Variants in NEDD4L observed in about 807,000 individuals in gnomAD.
NEDD4L encodes E3 ubiquitin-protein ligase NEDD4-like.
Under a neutral mutation model 148.9 loss-of-function variants are expected in NEDD4L, and 54 were observed. The observed-to-expected ratio is 0.36, with a 90% CI of 0.29 to 0.45. NEDD4L has a LOEUF of 0.45. Among genes scored for constraint, NEDD4L ranks in the 20% least tolerant of loss-of-function variants. The pLI is 1.00. For missense variants in NEDD4L, 856 were observed against 1,233.8 expected, an observed-to-expected ratio of 0.69 and a Z score of 4.59; for synonymous variants, 433 against 440.7, an observed-to-expected ratio of 0.98 and a Z score of 0.22.
chr18:58,044,757 C>G, intron 1 of NEDD4L, 49 bp downstream of exon 1: 3 of 1,588,934 alleles, frequency 1.9e-6, no homozygotes, highest in South Asian at 2.3e-5. Flanking sequence ...AGTTCCTATC[C>G]CGCGCCGGCA....
intron 5 of NEDD4L, among the ~76,000 whole-genome samples, chr18:58,285,988 A>G (rs868306089): frequency 6.6e-6 from 1 of 152,212 alleles, no homozygotes; most frequent in Non-Finnish European, 1.5e-5. Flanking sequence ...CTAAGTAGCT[A>G]TACACAATTG....
At chr18:58,109,578 T>TTTTG (rs1568228523) in intron 1 of NEDD4L, among the ~76,000 whole-genome samples, 2 of 147,832 alleles carry the variant, frequency 1.4e-5, no homozygotes, top group African/African-American at 5.0e-5. Context: ...TTTTGTTTTT[T>TTTTG]TTTTTTTTTT....
chr18:58,320,435 A>G (rs2058677506), intron 6 of NEDD4L, among the ~76,000 whole-genome samples: 1 of 152,172 alleles, frequency 6.6e-6, no homozygotes, highest in South Asian at 2.1e-4. Flanking sequence ...TGTTGACATG[A>G]TGGCTCTTCC....
At chr18:58,147,305 G>T (rs11876767) in intron 1 of NEDD4L, among the ~76,000 whole-genome samples, 5 of 151,852 alleles carry the variant, frequency 3.3e-5, no homozygotes, top group African/African-American at 9.7e-5. Flanking sequence ...GTGCCCCATG[G>T]GATGTTCCCT....
At chr18:58,153,058 C>T (rs2034996460) in intron 1 of NEDD4L, among the ~76,000 whole-genome samples, 1 of 152,150 alleles carries the variant, frequency 6.6e-6, no homozygotes, top group African/African-American at 2.4e-5. Flanking sequence ...GTGGGAAGAG[C>T]CTGGCTTTGA....
intron 24 of NEDD4L, among the ~76,000 whole-genome samples, chr18:58,380,567 C>T (rs1185278238): frequency 3.3e-5 from 5 of 152,072 alleles, no homozygotes; most frequent in Non-Finnish European, 7.4e-5. Flanking sequence ...CTGCCCACCT[C>T]GGCCTCCCAA....
At chr18:58,231,237 CAAAAAAAAAAA>C (rs67220469) in intron 2 of NEDD4L, among the ~76,000 whole-genome samples, 1 of 90,184 alleles carries the variant, frequency 1.1e-5, no homozygotes, top group Non-Finnish European at 2.3e-5. Context: ...GACCCTATCT[CAAAAAAAAAAA>C]AAAAAAAAAA....
rs1274950157 is a variant in NEDD4L, at chr18:58,397,620, C to T, written c.*1351C>T. The stretch of plus-strand genomic sequence containing the variant: ...ATACCGTGTACTGCCTGAGTTGTGC[C>T]TCTTGTGTGCTAGATTAAAAGTGAG... On this transcript the variant is annotated 3_prime_UTR_variant, in exon 31 of 31. Transcript: ENST00000400345. The T allele has an allele frequency of 6.6e-6, 1 of 152,410 alleles. No individual in the cohort carries two copies. Among genetic ancestry groups the T allele is most frequent in the African/African-American group, 2.4e-5 (1 of 41,448 alleles). 9.4% of individuals were successfully genotyped at this position (152,410 alleles called of 1,614,324 possible).
chr18:58,332,504 C>T (rs757575296), intron 11 of NEDD4L, among the ~76,000 whole-genome samples: 23 of 152,044 alleles, frequency 1.5e-4, no homozygotes, highest in Admixed American at 1.1e-3. Context: ...AAAACTTAGC[C>T]GGGTGTGGTG....
intron 5 of NEDD4L, among the ~76,000 whole-genome samples, chr18:58,269,051 A>G (rs1438543999): frequency 6.6e-6 from 1 of 151,894 alleles, no homozygotes; most frequent in Admixed American, 6.6e-5. Flanking sequence ...TTTCCTTTTG[A>G]ACAAGTTTCT....
intron 2 of NEDD4L, among the ~76,000 whole-genome samples, chr18:58,185,101 T>C (rs2039321127): frequency 6.6e-6 from 1 of 152,156 alleles, no homozygotes; most frequent in African/African-American, 2.4e-5. Flanking sequence ...ACTGTACTTG[T>C]AGCAGCAGTA....
At chr18:58,044,765 G>C (rs2081495501) in intron 1 of NEDD4L, 57 bp downstream of exon 1, 1 of 1,581,946 alleles carries the variant, frequency 6.3e-7, no homozygotes, top group Non-Finnish European at 8.6e-7. Context: ...TCCCGCGCCG[G>C]CAGGGGGAGG....
At position 58,341,767 on chromosome 18, in the gene NEDD4L, G is replaced by T. The variant is rs768108673; in HGVS notation, c.1347G>T (p.Ser449=). The T allele has an allele frequency of 6.2e-7, 1 of 1,613,436 alleles. No homozygotes were observed. The highest frequency in any genetic ancestry group is 8.5e-7 in the Non-Finnish European group (1 of 1,179,790). Residue 449 remains serine (S), a synonymous_variant, in exon 15 of 31, where the codon TCG becomes TCT. Transcript: ENST00000400345. ...PQIRRPRSLS[S]PTVTLSAPLE... ...TCCGCCGGCCTCGTAGCCTCAGCTC[G>T]CCAACAGTAACTTTATCTGCCCCGC...
chr18:58,202,278 C>T (rs2041498256), intron 2 of NEDD4L, among the ~76,000 whole-genome samples: 1 of 152,222 alleles, frequency 6.6e-6, no homozygotes, highest in Non-Finnish European at 1.5e-5. Context: ...CCCAGGTCTC[C>T]TGTTCCCTGC....
chr18:58,342,209 G>A (rs908237900), intron 15 of NEDD4L, among the ~76,000 whole-genome samples: 2 of 152,136 alleles, frequency 1.3e-5, no homozygotes, highest in Non-Finnish European at 2.9e-5. Flanking sequence ...CGACTGTAGG[G>A]TCTTTCATTC....
At chr18:58,367,633 G>C (rs547243048) in intron 21 of NEDD4L, 113 bp from the exon 22 acceptor site, 1 of 1,149,248 alleles carries the variant, frequency 8.7e-7, no homozygotes, top group Non-Finnish European at 1.3e-6. Flanking sequence ...TTCCCACTAG[G>C]TACAGAATGC....
chr18:58,366,451 A>T lies in NEDD4L; in HGVS notation c.2063+223A>T, dbSNP rs558136109. ...CTAACATTGATTTTTTTTCTTGTCT[A>T]TTGGGTTCATGGAGTTGAAATTGAA... On this transcript the variant is annotated intron_variant, in intron 21 of 30. Transcript: ENST00000400345. This position sits in a 1 kb window ranked among gnomAD's most constrained non-coding sequence, Gnocchi z 4.2. 5.1e-6 allele frequency: 2 copies of T among 393,760 alleles called. No individual in the cohort carries two copies. Among genetic ancestry groups the T allele is most frequent in the African/African-American group, 2.0e-5 (1 of 49,020 alleles). 24.4% of individuals were successfully genotyped at this position (393,760 alleles called of 1,614,324 possible).
chr18:58,254,557 T>TA (rs2148542291), intron 5 of NEDD4L, among the ~76,000 whole-genome samples: 1 of 114,204 alleles, frequency 8.8e-6, no homozygotes, highest in East Asian at 2.3e-4. Flanking sequence ...GTTAAATTAT[T>TA]ACCAAAAAAA....
chr18:58,086,903 A>G (rs149597605), intron 1 of NEDD4L, among the ~76,000 whole-genome samples: 2 of 152,308 alleles, frequency 1.3e-5, no homozygotes, highest in Non-Finnish European at 2.9e-5. Context: ...CTCACTCTGT[A>G]TCCTGCCAGT....
Sources: allele counts gnomAD v4.1 joint callset (sites outside exome capture counted in the v4.1 genomes callset), GRCh38; gene constraint gnomAD v4.1.1; non-coding constraint Gnocchi (gnomAD v3.1); transcripts MANE v1.5; gene names NCBI Gene and HGNC (gene_info 2026-07-23, HGNC 2026-07-21).